The following ZNF439 variants were observed in gnomAD, a reference collection of about 807,000 sequenced individuals.
ZNF439 encodes the protein zinc finger protein 439.
ZNF439 carries 40 observed loss-of-function variants against 47.3 expected under a neutral mutation model. That is an observed-to-expected ratio of 0.85 (90% CI 0.66 to 1.10). ZNF439 has a LOEUF of 1.10. ZNF439 is among the 50% of genes least tolerant of loss of function. The probability of loss-of-function intolerance (pLI) is 0.00; values close to 1 mark genes in which losing one functional copy is unlikely to be tolerated. For missense variants in ZNF439, 556 were observed against 601.1 expected (o/e 0.93, Z 0.78); for synonymous variants, 171 against 198.8 (o/e 0.86, Z 1.18).
intron 1 of ZNF439, chr19:11,856,798 C>G (rs1348683191): frequency 6.6e-6 from 1 of 152,220 alleles, no homozygotes; most frequent in Non-Finnish European, 1.5e-5. Context: ...TTTATCTGCT[C>G]TATCATTACC....
intron 1 of ZNF439, among the ~76,000 whole-genome samples, chr19:11,852,440 CCATGATCACATTGCTTCAAGACAGTTTA>C (rs1396556480): frequency 1.3e-5 from 2 of 152,094 alleles, no homozygotes; most frequent in African/African-American, 4.8e-5. Context: ...TGACTCAACC[CCATGATCACATTGCTTCAAGACAGTTTA>C]GAGATGCACC....
chr19:11,848,768 C>A lies in ZNF439; in HGVS notation c.-100C>A. 3 of 1,313,590 alleles carry A rather than the reference C, an allele frequency of 2.3e-6. No individual in the cohort carries two copies. The highest frequency in any genetic ancestry group is 2.7e-5 in the South Asian group (2 of 75,376). The allele number at this position is 1,313,590 out of a possible 1,614,324, so 81.4% of individuals were successfully genotyped here. On this transcript the variant is annotated 5_prime_UTR_variant, in exon 1 of 4. Transcript: ENST00000682736. ...GGAGGATGTTGCATTCCTGCCGTCA[C>A]CTTTGTCGCTGCGAGGGCGGCGGTT...
rs1033801884 is a variant in ZNF439, at chr19:11,869,115, A to T, written c.*546A>T. The T allele has an allele frequency of 1.4e-5, 3 of 214,830 alleles. No individual in the cohort carries two copies. The highest frequency in any genetic ancestry group is 7.1e-5 in the African/African-American group (3 of 41,966). The allele number at this position is 214,830 out of a possible 1,614,324, so 13.3% of individuals were successfully genotyped here. Reference sequence around the variant, plus strand: ...ATTCAGCTTGCTTAATTGCTTTCATAGACATGTAAAGACACACCAGAAGGA... The same window carrying T: ...ATTCAGCTTGCTTAATTGCTTTCATTGACATGTAAAGACACACCAGAAGGA... On this transcript the variant is annotated 3_prime_UTR_variant, in exon 4 of 4. Transcript: ENST00000682736.
rs1049533022 is a variant in ZNF439 at position 11,866,014 on chromosome 19, T to C, written c.64-191T>C. The C allele has an allele frequency of 1.3e-5, 18 of 1,413,666 alleles. No individual in the cohort carries two copies. In the African/African-American group the frequency reaches 2.8e-4, roughly 22 times the overall value. The allele number at this position is 1,413,666 out of a possible 1,614,324, so 87.6% of individuals were successfully genotyped here. ...TGGGCAATAAGAGTGAAATTCTGTC[T>C]CAAAAAAATAAAAAAAAAAATTGCT... is the stretch of plus-strand genomic sequence containing the variant. On this transcript the variant is annotated intron_variant, in intron 1 of 3. Transcript: ENST00000682736.
Position 11,848,768 on chromosome 19 carries a change from C to T in ZNF439, c.-100C>T, listed in dbSNP as rs1014779822. ...GGAGGATGTTGCATTCCTGCCGTCA[C>T]CTTTGTCGCTGCGAGGGCGGCGGTT... On this transcript the variant is annotated 5_prime_UTR_variant, in exon 1 of 4. Transcript: ENST00000682736. 4 of 1,313,472 alleles carry T rather than the reference C, an allele frequency of 3.0e-6. No individual in the cohort carries two copies. The African/African-American group carries it at 4.6e-5, about 15-fold the overall frequency. 81.4% of individuals were successfully genotyped at this position (1,313,472 alleles called of 1,614,324 possible). A position where few individuals can be genotyped will look rare whatever the true frequency, so the allele number is the denominator to read the frequency against.
At chr19:11,863,833 C>A (rs897981282) in intron 1 of ZNF439, among the ~76,000 whole-genome samples, 6 of 152,122 alleles carry the variant, frequency 3.9e-5, no homozygotes, top group African/African-American at 1.4e-4. Flanking sequence ...TAATTCATTT[C>A]TTTGCATTTG....
In ZNF439 at chr19:11,867,750, T is replaced by C. The variant is rs373619703; in HGVS notation, c.696T>C (p.Ser232=). Residue 232 remains serine, a synonymous_variant, in exon 4 of 4, where the codon AGT becomes AGC. Coordinates refer to ENST00000682736, the MANE Select transcript of ZNF439 (RefSeq NM_001348719.2). ...KFCGKAFHCL[S]LYLIHERTHT... ...GTGGGAAAGCATTCCATTGTCTCAG[T>C]TTATATCTTATCCATGAAAGAACTC... 1.2e-6 allele frequency: 2 copies of C among 1,614,100 alleles called. No individual in the cohort carries two copies. The highest frequency in any genetic ancestry group is 1.7e-6 in the Non-Finnish European group (2 of 1,179,996).
At chr19:11,854,371 C>G (rs890228491) in intron 1 of ZNF439, among the ~76,000 whole-genome samples, 3 of 152,200 alleles carry the variant, frequency 2.0e-5, no homozygotes, top group Admixed American at 6.5e-5. Context: ...AGAAGTTTCA[C>G]AAAGTGCAAA....
In ZNF439 at chr19:11,867,652, A is replaced by G; in HGVS notation, c.598A>G (p.Ile200Val). The G allele has an allele frequency of 6.2e-7, 1 of 1,614,104 alleles. No individual in the cohort carries two copies. The highest frequency in any genetic ancestry group is 1.1e-5 in the South Asian group (1 of 91,088). The change falls in exon 4 of 4, where the codon ATT becomes GTT. Residue 200 changes from isoleucine to valine, a missense_variant. Ile to Val is a conservative substitution (Grantham distance 29). Transcript: ENST00000682736. ...TGCTTGTAAAGAATGTGGAAAAAAC[A>G]TTATTTACCATTCAAGCATTCAAAG... ...PYACKECGKN[I>V]IYHSSIQRHM... is the part of the protein sequence containing the mutation.
chr19:11,848,773 G>T lies in ZNF439; in HGVS notation c.-95G>T. The T allele has an allele frequency of 7.5e-7, 1 of 1,325,822 alleles. No homozygotes were observed. The highest frequency in any genetic ancestry group is 9.8e-7 in the Non-Finnish European group (1 of 1,016,148). The allele number at this position is 1,325,822 out of a possible 1,614,324, so 82.1% of individuals were successfully genotyped here. On this transcript the variant is annotated 5_prime_UTR_variant, in exon 1 of 4. Transcript: ENST00000682736. The stretch of plus-strand genomic sequence containing the variant: ...ATGTTGCATTCCTGCCGTCACCTTT[G>T]TCGCTGCGAGGGCGGCGGTTGGGAT...
intron 1 of ZNF439, among the ~76,000 whole-genome samples, chr19:11,860,591 G>A (rs1976513017): frequency 6.6e-6 from 1 of 152,122 alleles, no homozygotes; most frequent in African/African-American, 2.4e-5. Flanking sequence ...CTGAACAAAG[G>A]AGGACGAACG....
intron 1 of ZNF439, chr19:11,849,244 C>T: frequency 9.7e-7 from 1 of 1,030,792 alleles, no homozygotes. Context: ...GTGTGGATTT[C>T]GTCCGTAGGA....
rs752278088 is a variant in ZNF439 at position 11,867,757 on chromosome 19, C to T, written c.703C>T (p.Leu235Phe). 10 of 1,614,156 alleles carry T rather than the reference C, an allele frequency of 6.2e-6. No homozygotes were observed. In the South Asian group the frequency reaches 9.9e-5, roughly 16 times the overall value. ...GKAFHCLSLY[L>F]IHERTHTGEK... ...AGCATTCCATTGTCTCAGTTTATAT[C>T]TTATCCATGAAAGAACTCACACTGG... Residue 235 changes from leucine (L) to phenylalanine (F), a missense_variant, in exon 4 of 4, where the codon CTT (leucine) becomes TTT (phenylalanine). Coordinates refer to ENST00000682736, the MANE Select transcript of ZNF439 (RefSeq NM_001348719.2).
intron 1 of ZNF439, among the ~76,000 whole-genome samples, chr19:11,863,152 C>CTTTTT (rs34655587): frequency 5.4e-4 from 49 of 90,044 alleles, no homozygotes; most frequent in East Asian, 1.1e-3. Flanking sequence ...AAAGATTTTG[C>CTTTTT]TTTTTTTTTT....
In ZNF439 at chr19:11,867,753, A is replaced by T. The variant is rs190404291; in HGVS notation, c.699A>T (p.Leu233Phe). 8 of 1,614,164 alleles carry T rather than the reference A, an allele frequency of 5.0e-6. No homozygotes were observed. The African/African-American group carries it at 1.1e-4, about 22-fold the overall frequency. Residue 233 changes from leucine (L) to phenylalanine (F), a missense_variant, in exon 4 of 4, where the codon TTA becomes TTT. Coordinates refer to ENST00000682736, the MANE Select transcript of ZNF439 (RefSeq NM_001348719.2). ...GGAAAGCATTCCATTGTCTCAGTTTATATCTTATCCATGAAAGAACTCACA... is the reference window on the plus strand; with the variant it reads ...GGAAAGCATTCCATTGTCTCAGTTTTTATCTTATCCATGAAAGAACTCACA... ...FCGKAFHCLS[L>F]YLIHERTHTG... is the part of the protein sequence containing the mutation.
chr19:11,849,054 G>C (rs1976154487), intron 1 of ZNF439, 124 bp downstream of exon 1: 1 of 1,232,854 alleles, frequency 8.1e-7, no homozygotes, highest in Non-Finnish European at 1.0e-6. Flanking sequence ...CTCGGCCCTC[G>C]GTCCCCGCGG....
rs779547325 is a variant in ZNF439 at position 11,867,404 on chromosome 19, A to G, written c.350A>G (p.Lys117Arg). The G allele has an allele frequency of 3.7e-6, 6 of 1,614,008 alleles. No homozygotes were observed. The highest frequency in any genetic ancestry group is 5.1e-6 in the Non-Finnish European group (6 of 1,179,902). ...GATGACAGGCTGAACTTCCAGAAGA[A>G]GAAAGCTTCTCCTGAAGTAAAATCA... ...VPDDRLNFQK[K>R]KASPEVKSCD... Residue 117 changes from lysine to arginine, a missense_variant, in exon 4 of 4, where the codon AAG becomes AGG. Lys to Arg is a conservative substitution (Grantham distance 26, BLOSUM62 2). Transcript: ENST00000682736.
rs200078361 is a variant in ZNF439 at position 11,868,269 on chromosome 19, T to C, written c.1215T>C (p.His405=). 3.2e-5 allele frequency: 52 copies of C among 1,613,810 alleles called. 1 individual carries two copies. The highest frequency in any genetic ancestry group is 3.6e-5 in the Non-Finnish European group (42 of 1,180,004). ...AFTRSGSFRY[H]ERTHTGEKPY... is the part of the protein sequence containing the mutation. ...CTCGTTCCGGTTCCTTTCGATATCA[T>C]GAAAGGACTCACACTGGAGAGAAAC... Residue 405 remains histidine, a synonymous_variant, in exon 4 of 4, where the codon CAT becomes CAC. Coordinates refer to ENST00000682736, the MANE Select transcript of ZNF439 (RefSeq NM_001348719.2).
At chr19:11,849,021 G>A (rs1976153061) in intron 1 of ZNF439, 91 bp downstream of exon 1, 1 of 1,372,074 alleles carries the variant, frequency 7.3e-7, no homozygotes, top group Non-Finnish European at 9.6e-7. Flanking sequence ...TCCGGGGTCT[G>A]GGACCGAGTC....
Sources: allele counts gnomAD v4.1 joint callset (sites outside exome capture counted in the v4.1 genomes callset), GRCh38; gene constraint gnomAD v4.1.1; transcripts MANE v1.5; gene names NCBI Gene and HGNC (gene_info 2026-07-23, HGNC 2026-07-21).